Variants in MSRA observed in about 807,000 individuals in gnomAD.
MSRA encodes methionine sulfoxide reductase A.
MSRA carries 54 observed loss-of-function variants against 31.3 expected under a neutral mutation model. The ratio of observed to expected loss-of-function variants is 1.73; its 90% CI spans 1.39 to 2.17. The LOEUF is 2.17. Ranked by LOEUF, MSRA falls within the 30% of genes most tolerant of loss-of-function variation. The pLI, the probability that MSRA is intolerant of heterozygous loss-of-function variation, is 0.00. For synonymous variants in MSRA, 169 were observed against 116.5 expected (o/e 1.45, Z -2.90); for missense variants, 507 against 300.9 (o/e 1.69, Z -5.07).
At chr8:10,370,350 C>G (rs1308776117) in intron 5 of MSRA, among the ~76,000 whole-genome samples, 2 of 152,144 alleles carry the variant, frequency 1.3e-5, no homozygotes, top group Non-Finnish European at 2.9e-5. Flanking sequence ...AAGAGTGGTC[C>G]CTCCAAAGGG....
chr8:10,092,426 A>T (rs1228268602), intron 1 of MSRA, among the ~76,000 whole-genome samples: 1 of 152,158 alleles, frequency 6.6e-6, no homozygotes, highest in Non-Finnish European at 1.5e-5. Context: ...TGGGAGGCCG[A>T]GGTGGGCAGA....
intron 1 of MSRA, among the ~76,000 whole-genome samples, chr8:10,067,175 T>A (rs1179171870): frequency 6.6e-6 from 1 of 152,170 alleles, no homozygotes; most frequent in Non-Finnish European, 1.5e-5. Context: ...TATTTGTCCA[T>A]CTCCCCCTTC....
intron 5 of MSRA, among the ~76,000 whole-genome samples, chr8:10,357,361 G>A (rs1347551415): frequency 2.6e-5 from 4 of 152,262 alleles, no homozygotes; most frequent in Non-Finnish European, 4.4e-5. Context: ...GCTTTCTCTC[G>A]ACCCACTTTT....
intron 5 of MSRA, among the ~76,000 whole-genome samples, chr8:10,387,742 C>G (rs941311465): frequency 2.0e-5 from 3 of 152,182 alleles, no homozygotes; most frequent in African/African-American, 7.2e-5. Context: ...GACTTTTAGT[C>G]TTTTCTCCTG....
chr8:10,203,032 T>C (rs1326286204), intron 1 of MSRA, among the ~76,000 whole-genome samples: 1 of 152,010 alleles, frequency 6.6e-6, no homozygotes, highest in Non-Finnish European at 1.5e-5. Flanking sequence ...ACAGGACTGA[T>C]GTAAGACTCA....
At chr8:10,183,802 GTGGTGGTGC>G (rs1440314632) in intron 1 of MSRA, among the ~76,000 whole-genome samples, 6 of 150,726 alleles carry the variant, frequency 4.0e-5, no homozygotes, top group South Asian at 2.1e-4. Flanking sequence ...GGTGGTGGTG[GTGGTGGTGC>G]TGCTGCTGCT....
chr8:10,129,263 G>C (rs1437722088), intron 1 of MSRA, among the ~76,000 whole-genome samples: 1 of 152,116 alleles, frequency 6.6e-6, no homozygotes, highest in Non-Finnish European at 1.5e-5. Context: ...GGTAGTGGTA[G>C]CATGGTATCG....
intron 1 of MSRA, among the ~76,000 whole-genome samples, chr8:10,091,366 C>T (rs1332887960): frequency 6.6e-6 from 1 of 152,104 alleles, no homozygotes; most frequent in African/African-American, 2.4e-5. Flanking sequence ...TGTGCATTGC[C>T]TCACATATTA....
Position 10,074,058 on chromosome 8 carries a change from C to CTTTTTTTTTTTTTTTT in MSRA, c.142+19425_142+19440dup, listed in dbSNP as rs534642712. 4.1e-4 allele frequency among the ~76,000 whole-genome samples: 12 copies of CTTTTTTTTTTTTTTTT among 29,454 alleles called. 2 individuals are homozygous for CTTTTTTTTTTTTTTTT. The highest frequency in any genetic ancestry group is 7.3e-4 in the Non-Finnish European group (12 of 16,366). 19.3% of individuals were successfully genotyped at this position (29,454 alleles called of 152,430 possible). On this transcript the variant is annotated intron_variant, in intron 1 of 5. Coordinates refer to ENST00000317173, the MANE Select transcript of MSRA (RefSeq NM_012331.5). ...CATTTTGTTTTGTCTAAGGGAGGTG[C>CTTTTTTTTTTTTTTTT]TTTTTTTTTTTTTTTTTTTTTTTTT...
chr8:10,059,149 TTGGGACAACTGGG>T (rs1392409328), intron 1 of MSRA: 1 of 152,160 alleles, frequency 6.6e-6, no homozygotes, highest in African/African-American at 2.4e-5. Context: ...ATAAATGGTA[TTGGGACAACTGGG>T]TAGCCATATG....
At position 10,281,148 on chromosome 8, in the gene MSRA, T is replaced by C. The variant is rs150119858; in HGVS notation, c.332-20386T>C. Among the ~76,000 whole-genome samples the C allele has an allele frequency of 1.9e-4, 29 of 152,320 alleles. No individual in the cohort carries two copies. In the East Asian group the frequency reaches 5.2e-3, roughly 27 times the overall value. ...GTTATATTTAAATAGGTGGATTGTATAGTATGTGAATTTCATCTCAGTAAA... is the reference window on the plus strand; with the variant it reads ...GTTATATTTAAATAGGTGGATTGTACAGTATGTGAATTTCATCTCAGTAAA... On this transcript the variant is annotated intron_variant, in intron 3 of 5. Transcript: ENST00000317173.
intron 1 of MSRA, among the ~76,000 whole-genome samples, chr8:10,108,833 C>G (rs1800077736): frequency 6.6e-6 from 1 of 151,914 alleles, no homozygotes; most frequent in African/African-American, 2.4e-5. Context: ...CTCTGTCTCT[C>G]CACTCCTTTT....
At chr8:10,356,617 T>A (rs1804522581) in intron 5 of MSRA, among the ~76,000 whole-genome samples, 2 of 152,220 alleles carry the variant, frequency 1.3e-5, no homozygotes, top group Non-Finnish European at 2.9e-5. Flanking sequence ...AAAGGTGATT[T>A]GGTTGTGAGA....
At chr8:10,101,068 A>T (rs1799499483) in intron 1 of MSRA, among the ~76,000 whole-genome samples, 1 of 152,190 alleles carries the variant, frequency 6.6e-6, no homozygotes, top group Non-Finnish European at 1.5e-5. Flanking sequence ...TTCATGGGAA[A>T]TCTGCCTTTG....
At chr8:10,416,235 G>A (rs1235330187) in intron 5 of MSRA, among the ~76,000 whole-genome samples, 1 of 152,214 alleles carries the variant, frequency 6.6e-6, no homozygotes, top group African/African-American at 2.4e-5. Flanking sequence ...CCCGGTCCTT[G>A]ACACACAGCC....
At chr8:10,362,280 T>C (rs565483985) in intron 5 of MSRA, among the ~76,000 whole-genome samples, 11 of 152,144 alleles carry the variant, frequency 7.2e-5, no homozygotes, top group Non-Finnish European at 1.6e-4. Flanking sequence ...AGCACTCCTG[T>C]CAATGAAAAC....
At chr8:10,355,910 G>C (rs1214232471) in intron 5 of MSRA, among the ~76,000 whole-genome samples, 1 of 152,204 alleles carries the variant, frequency 6.6e-6, no homozygotes, top group South Asian at 2.1e-4. Context: ...CCTGGAGTCT[G>C]AGCCATAGGA....
intron 1 of MSRA, among the ~76,000 whole-genome samples, chr8:10,068,560 G>T (rs1043255382): frequency 2.0e-5 from 3 of 152,204 alleles, no homozygotes; most frequent in African/African-American, 7.2e-5. Context: ...TAGTTGAAAT[G>T]ACTGTCTTTT....
chr8:10,127,192 T>G (rs1306237648), intron 1 of MSRA, among the ~76,000 whole-genome samples: 1 of 152,222 alleles, frequency 6.6e-6, no homozygotes, highest in African/African-American at 2.4e-5. Flanking sequence ...TCTTTACTCT[T>G]CAAGTTTCTT....
Sources: gnomAD v4.1 joint callset for allele counts (sites outside exome capture counted in the v4.1 genomes callset) on GRCh38, gnomAD v4.1.1 for gene constraint, MANE v1.5 for transcripts, NCBI Gene and HGNC (gene_info 2026-07-23, HGNC 2026-07-21) for gene names.